TUT4: variants seen among roughly 807,000 people sequenced by gnomAD.
TUT4 encodes the protein terminal uridylyl transferase 4.
Under a neutral mutation model 192.2 loss-of-function variants are expected in TUT4, and 36 were observed. The ratio of observed to expected loss-of-function variants is 0.19; its 90% CI spans 0.14 to 0.25. The LOEUF is 0.25. TUT4 is among the 10% of genes least tolerant of loss of function. The pLI, the probability that TUT4 is intolerant of heterozygous loss-of-function variation, is 1.00. For synonymous variants in TUT4, 618 were observed against 666.0 expected (o/e 0.93, Z 1.11); for missense variants, 1,493 against 1,957.2 (o/e 0.76, Z 4.47).
chr1:52,463,286 T>G, intron 16 of TUT4: 1 of 991,256 alleles, frequency 1.0e-6, no homozygotes, highest in Non-Finnish European at 1.2e-6. Context: ...ATTCTTACTC[T>G]TCAGAATGGA....
At chr1:52,448,356 G>A (rs1658220234) in intron 20 of TUT4, among the ~76,000 whole-genome samples, 1 of 152,154 alleles carries the variant, frequency 6.6e-6, no homozygotes, top group African/African-American at 2.4e-5. Context: ...GGGAGGCCGA[G>A]GCAGGCGGAT....
chr1:52,455,183 C>G (rs971840164), intron 20 of TUT4, among the ~76,000 whole-genome samples: 1 of 152,028 alleles, frequency 6.6e-6, no homozygotes, highest in Non-Finnish European at 1.5e-5. Context: ...ACTTGGGAGG[C>G]TTACTTAGGA....
chr1:52,470,005 G>C (rs1447541029), intron 14 of TUT4, among the ~76,000 whole-genome samples: 9 of 151,928 alleles, frequency 5.9e-5, no homozygotes, highest in Admixed American at 5.9e-4. Context: ...TCAAAGCAGT[G>C]ACAGCCCAGT....
intron 20 of TUT4, among the ~76,000 whole-genome samples, chr1:52,454,611 C>G (rs1308105670): frequency 2.0e-5 from 3 of 152,050 alleles, no homozygotes; most frequent in African/African-American, 7.2e-5. Flanking sequence ...TAAAATAAAA[C>G]TCCTGGAAGA....
At chr1:52,480,411 G>A (rs1668210063) in intron 11 of TUT4, among the ~76,000 whole-genome samples, 1 of 152,208 alleles carries the variant, frequency 6.6e-6, no homozygotes, top group Non-Finnish European at 1.5e-5. Flanking sequence ...TAATGTGGAG[G>A]TTACTGACAT....
chr1:52,542,856 G>A (rs924060991), intron 1 of TUT4, among the ~76,000 whole-genome samples: 1 of 151,984 alleles, frequency 6.6e-6, no homozygotes, highest in African/African-American at 2.4e-5. Context: ...CCGCCTCCCA[G>A]GTTCAAGCGA....
chr1:52,527,582 A>G (rs1409928758), intron 1 of TUT4, among the ~76,000 whole-genome samples: 3 of 152,140 alleles, frequency 2.0e-5, no homozygotes, highest in Non-Finnish European at 2.9e-5. Flanking sequence ...GGAACTTAAG[A>G]GTTTAAAAAA....
chr1:52,453,353 G>A (rs926656142), intron 20 of TUT4, among the ~76,000 whole-genome samples: 14 of 151,758 alleles, frequency 9.2e-5, no homozygotes, highest in African/African-American at 3.4e-4. Context: ...CTGCACTCCA[G>A]CATGGGTGAC....
chr1:52,550,203 A>G (rs1279131036), intron 1 of TUT4, among the ~76,000 whole-genome samples: 1 of 152,206 alleles, frequency 6.6e-6, no homozygotes, highest in African/African-American at 2.4e-5. Flanking sequence ...TTCTAGAATT[A>G]AAACAATTCA....
intron 15 of TUT4, 82 bp from the exon 16 acceptor site, chr1:52,465,255 A>G: frequency 1.2e-6 from 1 of 840,572 alleles, no homozygotes; most frequent in South Asian, 1.9e-5. Flanking sequence ...GACCTAATAC[A>G]ACATGCTCTT....
intron 28 of TUT4, among the ~76,000 whole-genome samples, 162 bp downstream of exon 28, chr1:52,430,851 C>T (rs1651838826): frequency 6.6e-6 from 1 of 152,186 alleles, no homozygotes; most frequent in Non-Finnish European, 1.5e-5. Flanking sequence ...GGATTCAAAT[C>T]CAGGCAGTCT....
chr1:52,551,055 A>ATTATACAT (rs1247343769), intron 1 of TUT4, among the ~76,000 whole-genome samples: 1 of 152,236 alleles, frequency 6.6e-6, no homozygotes, highest in Non-Finnish European at 1.5e-5. Flanking sequence ...GAAATTTATA[A>ATTATACAT]TTATACATTT....
At chr1:52,542,153 G>T (rs1279965875) in intron 1 of TUT4, among the ~76,000 whole-genome samples, 2 of 152,160 alleles carry the variant, frequency 1.3e-5, no homozygotes, top group African/African-American at 4.8e-5. Flanking sequence ...AAATCATAGA[G>T]AAATAAAGTA....
chr1:52,550,966 GAATTCT>G (rs1434287930), intron 1 of TUT4, among the ~76,000 whole-genome samples: 1 of 152,156 alleles, frequency 6.6e-6, no homozygotes, highest in African/African-American at 2.4e-5. Flanking sequence ...AGATAAAAAA[GAATTCT>G]AATTACTTAC....
chr1:52,481,325 C>T, intron 11 of TUT4, 98 bp downstream of exon 11: 1 of 1,326,746 alleles, frequency 7.5e-7, no homozygotes, highest in East Asian at 2.3e-5. Flanking sequence ...AAGAGGCTTG[C>T]TCAAGGTCAG....
chr1:52,435,357 G>A lies in TUT4; in HGVS notation c.4263+8C>T. 1.2e-6 allele frequency: 2 copies of A among 1,608,560 alleles called. No homozygotes were observed. The highest frequency in any genetic ancestry group is 8.5e-7 in the Non-Finnish European group (1 of 1,175,360). On this transcript the variant is annotated splice_region_variant and intron_variant, in intron 27 of 29. Coordinates refer to ENST00000257177, the MANE Select transcript of TUT4 (RefSeq NM_001009881.3). ...CAAGACTAACACATTCACAGGCAGA[G>A]TACTTACACATTCTGATGACTGTCT...
rs752817651 is a variant in TUT4, at chr1:52,550,496, C to CTTT, written c.-94+2432_-94+2434dup. Among the ~76,000 whole-genome samples the CTTT allele has an allele frequency of 4.0e-3, 489 of 122,038 alleles. 3 individuals are homozygous for CTTT. The highest frequency in any genetic ancestry group is 0.026 in the East Asian group (109 of 4,128). The allele number at this position is 122,038 out of a possible 152,430, so 80.1% of individuals were successfully genotyped here. On this transcript the variant is annotated intron_variant, in intron 1 of 29. Coordinates refer to ENST00000257177, the MANE Select transcript of TUT4 (RefSeq NM_001009881.3). ...CATCAACATTAACAGGTAAGTATTG[C>CTTT]TTTTTTTTTTTTTTTTTTTTGTTTA...
At chr1:52,506,481 T>C (rs906154924) in intron 4 of TUT4, among the ~76,000 whole-genome samples, 1 of 152,210 alleles carries the variant, frequency 6.6e-6, no homozygotes, top group African/African-American at 2.4e-5. Flanking sequence ...CCAGAGCTCA[T>C]TAACTTTTTT....
At position 52,423,914 on chromosome 1, in the gene TUT4, C is replaced by A. The variant is rs1648865543; in HGVS notation, c.*21G>T. ...TGGTTGCTGTGCATCGGTAGACCAGCTGAAAGAAAATGGACTCGCATTACT... is the reference window on the plus strand; with the variant it reads ...TGGTTGCTGTGCATCGGTAGACCAGATGAAAGAAAATGGACTCGCATTACT... On this transcript the variant is annotated 3_prime_UTR_variant, in exon 30 of 30. Coordinates refer to ENST00000257177, the MANE Select transcript of TUT4 (RefSeq NM_001009881.3). The A allele has an allele frequency of 6.2e-7, 1 of 1,610,838 alleles. No homozygotes were observed. The highest frequency in any genetic ancestry group is 8.5e-7 in the Non-Finnish European group (1 of 1,178,636).
Sources: gnomAD v4.1 joint callset for allele counts (sites outside exome capture counted in the v4.1 genomes callset) on GRCh38, gnomAD v4.1.1 for gene constraint, MANE v1.5 for transcripts, NCBI Gene and HGNC (gene_info 2026-07-23, HGNC 2026-07-21) for gene names.